CSMD1: variants seen among roughly 807,000 people sequenced by gnomAD.
CSMD1 encodes CUB and sushi domain-containing protein 1.
In CSMD1, 213 loss-of-function variants were observed where a neutral mutation model predicts 417.5. The observed-to-expected ratio is 0.51, with a 90% CI of 0.46 to 0.57. CSMD1 has a LOEUF of 0.57. Ranked by LOEUF, CSMD1 falls within the 20% of genes least tolerant of loss-of-function variation. CSMD1 has a pLI of 0.00. For synonymous variants in CSMD1, 2,862 were observed against 1,736.8 expected, an observed-to-expected ratio of 1.65 and a Z score of -16.11; for missense variants, 6,923 against 4,529.7, an observed-to-expected ratio of 1.53 and a Z score of -15.17.
At chr8:4,127,036 A>G (rs932551202) in intron 3 of CSMD1, among the ~76,000 whole-genome samples, 2 of 152,100 alleles carry the variant, frequency 1.3e-5, no homozygotes, top group African/African-American at 4.8e-5. Context: ...CCTGGCCTCC[A>G]AAATCATAGT....
chr8:4,918,371 G>T (rs910501703), intron 1 of CSMD1, among the ~76,000 whole-genome samples: 2 of 152,056 alleles, frequency 1.3e-5, no homozygotes, highest in Non-Finnish European at 2.9e-5. Context: ...GTGAAAGGTG[G>T]GTGTTCCTCC....
chr8:4,115,655 C>A (rs1802095177), intron 3 of CSMD1, among the ~76,000 whole-genome samples: 1 of 151,908 alleles, frequency 6.6e-6, no homozygotes, highest in Non-Finnish European at 1.5e-5. Context: ...TGTGCTTTGC[C>A]CATAATTGCT....
intron 41 of CSMD1, among the ~76,000 whole-genome samples, chr8:3,140,969 C>A (rs1311760937): frequency 6.6e-6 from 1 of 152,170 alleles, no homozygotes; most frequent in African/African-American, 2.4e-5. Context: ...ATGAACAATG[C>A]AGGTACCCAT....
intron 12 of CSMD1, among the ~76,000 whole-genome samples, chr8:3,430,233 A>C (rs978879096): frequency 6.6e-6 from 1 of 152,156 alleles, no homozygotes; most frequent in Admixed American, 6.6e-5. Context: ...ACTATCTGCT[A>C]TAAGGGAGAT....
chr8:4,466,097 C>T (rs1800150100), intron 2 of CSMD1, among the ~76,000 whole-genome samples: 1 of 152,160 alleles, frequency 6.6e-6, no homozygotes, highest in East Asian at 1.9e-4. Flanking sequence ...AATATCATGA[C>T]ACCAGCTCTC....
intron 3 of CSMD1, among the ~76,000 whole-genome samples, chr8:4,173,373 T>C (rs556951645): frequency 2.6e-4 from 39 of 152,212 alleles, no homozygotes; most frequent in African/African-American, 8.0e-4. Context: ...GAACAGAAGA[T>C]GAGACAGAGG....
At chr8:4,211,345 T>C (rs1026007071) in intron 3 of CSMD1, among the ~76,000 whole-genome samples, 1 of 152,212 alleles carries the variant, frequency 6.6e-6, no homozygotes, top group East Asian at 1.9e-4. Flanking sequence ...TTCTTTACAT[T>C]TCTTTTATTC....
At chr8:4,355,223 C>A (rs377419259) in intron 3 of CSMD1, among the ~76,000 whole-genome samples, 1 of 151,926 alleles carries the variant, frequency 6.6e-6, no homozygotes. Flanking sequence ...GATCGCGCCA[C>A]TGCACTCCAG....
rs201037058 is a variant in CSMD1 at position 4,641,825 on chromosome 8, TTAAAAC to T, written c.86-4273_86-4268del. Among the ~76,000 whole-genome samples the T allele has an allele frequency of 6.1e-4, 93 of 152,316 alleles. 1 individual carries two copies. In the East Asian group the frequency reaches 0.015, roughly 25 times the overall value. On this transcript the variant is annotated intron_variant, in intron 1 of 69. Transcript: ENST00000635120. ...TAGGGACTCTAAATTCTGTCGTTCT[TTAAAAC>T]TAATCAATGCCCATTGAAGGAAAAA... is the stretch of plus-strand genomic sequence containing the variant.
At chr8:4,369,567 G>A (rs1015375057) in intron 3 of CSMD1, among the ~76,000 whole-genome samples, 1 of 152,114 alleles carries the variant, frequency 6.6e-6, no homozygotes, top group African/African-American at 2.4e-5. Context: ...TTATTGAGTG[G>A]TTGTCTAAGT....
intron 7 of CSMD1, among the ~76,000 whole-genome samples, chr8:3,706,177 T>C (rs1353874822): frequency 6.6e-6 from 1 of 152,236 alleles, no homozygotes; most frequent in Non-Finnish European, 1.5e-5. Flanking sequence ...GAATGCCCAC[T>C]GCATGCCACA....
At chr8:4,355,810 G>C (rs943341816) in intron 3 of CSMD1, among the ~76,000 whole-genome samples, 3 of 152,184 alleles carry the variant, frequency 2.0e-5, no homozygotes, top group African/African-American at 7.2e-5. Context: ...GCTGCTGTTT[G>C]GAAGTGAAGA....
At chr8:4,611,241 C>T (rs957448547) in intron 2 of CSMD1, among the ~76,000 whole-genome samples, 7 of 152,078 alleles carry the variant, frequency 4.6e-5, no homozygotes, top group South Asian at 2.1e-4. Flanking sequence ...GGGTACTATT[C>T]GTCAATTTAC....
chr8:3,492,738 T>C (rs373813437), intron 11 of CSMD1, among the ~76,000 whole-genome samples: 1 of 152,116 alleles, frequency 6.6e-6, no homozygotes, highest in African/African-American at 2.4e-5. Flanking sequence ...AGAAGTGGGA[T>C]CAGTCTGCAA....
chr8:4,653,622 G>T (rs1330352419), intron 1 of CSMD1, among the ~76,000 whole-genome samples: 1 of 152,132 alleles, frequency 6.6e-6, no homozygotes, highest in East Asian at 1.9e-4. Flanking sequence ...ACCAGTGACA[G>T]AGAGTCAACT....
chr8:4,036,515 C>T (rs941955163), intron 3 of CSMD1, among the ~76,000 whole-genome samples: 12 of 152,156 alleles, frequency 7.9e-5, no homozygotes, highest in African/African-American at 2.9e-4. Flanking sequence ...TTCCAAGAGA[C>T]AGCTACTACC....
At chr8:4,383,197 C>G (rs545234512) in intron 3 of CSMD1, among the ~76,000 whole-genome samples, 10 of 152,260 alleles carry the variant, frequency 6.6e-5, no homozygotes, top group African/African-American at 2.4e-4. Flanking sequence ...GTATATAACT[C>G]TGAGTACTGA....
chr8:4,382,138 T>G (rs1419775644), intron 3 of CSMD1, among the ~76,000 whole-genome samples: 1 of 152,202 alleles, frequency 6.6e-6, no homozygotes, highest in Non-Finnish European at 1.5e-5. Context: ...AGGACATCTT[T>G]GACAAAGCAA....
At chr8:3,599,125 C>CTGTGTGTGTGTGTGTGTG (rs143211609) in intron 8 of CSMD1, among the ~76,000 whole-genome samples, 11 of 144,606 alleles carry the variant, frequency 7.6e-5, no homozygotes, top group African/African-American at 2.4e-4. Context: ...TTGCTTACTG[C>CTGTGTGTGTGTGTGTGTG]TGTGTGTGTG....
Sources: gnomAD v4.1 joint callset for allele counts (sites outside exome capture counted in the v4.1 genomes callset) on GRCh38, gnomAD v4.1.1 for gene constraint, MANE v1.5 for transcripts, NCBI Gene and HGNC (gene_info 2026-07-23, HGNC 2026-07-21) for gene names.